SLC25A21: variants seen among roughly 807,000 people sequenced by gnomAD.
SLC25A21 encodes mitochondrial 2-oxodicarboxylate carrier.
A neutral mutation model predicts 43.8 loss-of-function variants in SLC25A21; 47 were observed. That is an observed-to-expected ratio of 1.07 (90% CI 0.85 to 1.37). The LOEUF is 1.37. Ranked by LOEUF, SLC25A21 falls within the 40% of genes most tolerant of loss-of-function variation. The pLI, the probability that SLC25A21 is intolerant of heterozygous loss-of-function variation, is 0.00. For synonymous variants in SLC25A21, 131 were observed against 121.3 expected (o/e 1.08, Z -0.52); for missense variants, 352 against 350.2 (o/e 1.00, Z -0.04).
chr14:37,095,702 C>A (rs1420833681), intron 1 of SLC25A21, among the ~76,000 whole-genome samples: 1 of 151,716 alleles, frequency 6.6e-6, no homozygotes, highest in African/African-American at 2.4e-5. Flanking sequence ...CAAGCCTGGG[C>A]AACATAGCAA....
At chr14:36,711,142 C>T (rs540861639) in intron 7 of SLC25A21, among the ~76,000 whole-genome samples, 176 bp downstream of exon 7, 3 of 152,138 alleles carry the variant, frequency 2.0e-5, no homozygotes, top group Non-Finnish European at 4.4e-5. Context: ...CTTTCTAAGA[C>T]TCCACTTCTG....
At chr14:36,796,352 T>C (rs1053550016) in intron 3 of SLC25A21, among the ~76,000 whole-genome samples, 1 of 144,674 alleles carries the variant, frequency 6.9e-6, no homozygotes, top group Non-Finnish European at 1.5e-5. Context: ...TATGGTAATT[T>C]ATTTATTTAT....
chr14:36,920,790 A>G (rs1281433821), intron 1 of SLC25A21, among the ~76,000 whole-genome samples: 1 of 152,126 alleles, frequency 6.6e-6, no homozygotes, highest in Non-Finnish European at 1.5e-5. Flanking sequence ...CACTCAACAA[A>G]TAACATTCAC....
chr14:37,152,585 C>A (rs899952272), intron 1 of SLC25A21, among the ~76,000 whole-genome samples: 3 of 152,060 alleles, frequency 2.0e-5, no homozygotes, highest in Admixed American at 2.0e-4. Context: ...AAAATGTGAG[C>A]CTGCAGAGCG....
intron 2 of SLC25A21, among the ~76,000 whole-genome samples, chr14:36,814,516 GAACA>G (rs1046943128): frequency 7.2e-5 from 11 of 152,248 alleles, no homozygotes; most frequent in Non-Finnish European, 5.9e-5. Context: ...CAAAGGATAC[GAACA>G]GACACTTCTC....
At chr14:37,000,050 G>T (rs552235694) in intron 1 of SLC25A21, among the ~76,000 whole-genome samples, 3 of 152,230 alleles carry the variant, frequency 2.0e-5, no homozygotes, top group African/African-American at 4.8e-5. Context: ...CAGAATCTTT[G>T]ATCTCTCCTA....
At chr14:36,733,587 TGAGTAA>T (rs1884915855) in intron 4 of SLC25A21, among the ~76,000 whole-genome samples, 3 of 152,224 alleles carry the variant, frequency 2.0e-5, no homozygotes, top group Admixed American at 2.0e-4. Context: ...TTGAACTTAC[TGAGTAA>T]AAGTATATGA....
intron 1 of SLC25A21, among the ~76,000 whole-genome samples, chr14:36,915,540 A>G (rs1039583608): frequency 2.6e-5 from 4 of 152,176 alleles, no homozygotes; most frequent in Non-Finnish European, 5.9e-5. Context: ...CCTCTAAGTA[A>G]GAACCATATG....
At chr14:37,046,019 T>C (rs1331766179) in intron 1 of SLC25A21, among the ~76,000 whole-genome samples, 1 of 152,200 alleles carries the variant, frequency 6.6e-6, no homozygotes, top group East Asian at 1.9e-4. Flanking sequence ...ATAAGTTAAC[T>C]TGCAGAAGCC....
At chr14:37,159,146 T>C (rs1354307570) in intron 1 of SLC25A21, among the ~76,000 whole-genome samples, 6 of 150,938 alleles carry the variant, frequency 4.0e-5, no homozygotes, top group African/African-American at 1.5e-4. Flanking sequence ...AACAATAAAA[T>C]GACAAGATTG....
intron 3 of SLC25A21, among the ~76,000 whole-genome samples, chr14:36,749,279 A>G (rs1471793866): frequency 6.6e-6 from 1 of 152,134 alleles, no homozygotes; most frequent in Non-Finnish European, 1.5e-5. Context: ...TAATTTGGCT[A>G]AAGTATTTTA....
At chr14:36,916,652 T>C (rs572215633) in intron 1 of SLC25A21, among the ~76,000 whole-genome samples, 3 of 152,308 alleles carry the variant, frequency 2.0e-5, no homozygotes, top group Middle Eastern at 3.4e-3. Flanking sequence ...TTTGAAAGAA[T>C]GGGTACAGAC....
chr14:36,979,037 G>A (rs748620390), intron 1 of SLC25A21, among the ~76,000 whole-genome samples: 28 of 152,080 alleles, frequency 1.8e-4, no homozygotes, highest in Non-Finnish European at 3.1e-4. Flanking sequence ...GCAGTGAGCC[G>A]ATATGGCACC....
chr14:36,734,356 A>C, intron 4 of SLC25A21, 151 bp downstream of exon 4: 1 of 531,426 alleles, frequency 1.9e-6, no homozygotes, highest in Non-Finnish European at 3.3e-6. Context: ...GAGACTGACC[A>C]AGTCTAATTA....
At chr14:36,731,651 C>A (rs1412724841) in intron 4 of SLC25A21, among the ~76,000 whole-genome samples, 1 of 152,182 alleles carries the variant, frequency 6.6e-6, no homozygotes, top group African/African-American at 2.4e-5. Context: ...CTATTCTCAG[C>A]CCCATGTGAC....
chr14:36,864,051 C>A (rs1253004700), intron 2 of SLC25A21, among the ~76,000 whole-genome samples: 6 of 152,206 alleles, frequency 3.9e-5, no homozygotes, highest in Non-Finnish European at 8.8e-5. Flanking sequence ...GGCCTATCAT[C>A]CTCAAACCCT....
chr14:36,829,009 C>T (rs2138476343), intron 2 of SLC25A21, among the ~76,000 whole-genome samples: 1 of 152,242 alleles, frequency 6.6e-6, no homozygotes, highest in East Asian at 1.9e-4. Context: ...TCAAACGATT[C>T]TCATGCTTCA....
At chr14:36,683,974 A>C (rs1045688484) in intron 8 of SLC25A21, 94 bp from the exon 9 acceptor site, 1 of 895,158 alleles carries the variant, frequency 1.1e-6, no homozygotes, top group African/African-American at 1.7e-5. Flanking sequence ...CATTTAAAAA[A>C]ATAAATTATT....
At chr14:36,728,224 G>A (rs926095237) in intron 5 of SLC25A21, among the ~76,000 whole-genome samples, 4 of 152,170 alleles carry the variant, frequency 2.6e-5, no homozygotes, top group African/African-American at 9.7e-5. Context: ...TTCAAGAAAA[G>A]AGAAGAACCG....
Sources: gnomAD v4.1 joint callset for allele counts (sites outside exome capture counted in the v4.1 genomes callset) on GRCh38, gnomAD v4.1.1 for gene constraint, MANE v1.5 for transcripts, NCBI Gene and HGNC (gene_info 2026-07-23, HGNC 2026-07-21) for gene names.